The following CTNNA3 variants were observed in gnomAD, a reference collection of about 807,000 sequenced individuals.
The protein encoded by CTNNA3 is catenin alpha-3.
A neutral mutation model predicts 95.7 loss-of-function variants in CTNNA3; 76 were observed. The ratio of observed to expected loss-of-function variants is 0.79; its 90% CI spans 0.66 to 0.96. The LOEUF is 0.96. CTNNA3 is among the 40% of genes least tolerant of loss of function. CTNNA3 has a pLI of 0.00. For missense variants in CTNNA3, 1,191 were observed against 1,089.8 expected, an observed-to-expected ratio of 1.09 and a Z score of -1.31; for synonymous variants, 431 against 374.4, an observed-to-expected ratio of 1.15 and a Z score of -1.74.
chr10:67,568,552 GACAC>G (rs199833608), intron 3 of CTNNA3, among the ~76,000 whole-genome samples: 1 of 150,248 alleles, frequency 6.7e-6, no homozygotes, highest in Non-Finnish European at 1.5e-5. Context: ...TATGCACACA[GACAC>G]ACACACATAT....
chr10:66,933,481 G>A (rs1211624400), intron 7 of CTNNA3, among the ~76,000 whole-genome samples: 2 of 152,138 alleles, frequency 1.3e-5, no homozygotes, highest in Non-Finnish European at 2.9e-5. Flanking sequence ...AATCCTTGTT[G>A]ACTTTACACT....
In CTNNA3 at chr10:67,687,350, G is replaced by A. The variant is rs148315149; in HGVS notation, c.-6+8650C>T. 4.4e-3 allele frequency among the ~76,000 whole-genome samples: 674 copies of A among 152,284 alleles called. 1 individual carries two copies. The highest frequency in any genetic ancestry group is 6.1e-3 in the Non-Finnish European group (415 of 68,018). ...AGTGAGCCTTCCAGTGATTGCCTCC[G>A]CATAGTGGACATGGGTGAGGGAGCA... is the stretch of plus-strand genomic sequence containing the variant. On this transcript the variant is annotated intron_variant, in intron 1 of 17. Transcript: ENST00000433211.
At chr10:66,618,447 A>C (rs2132307266) in intron 10 of CTNNA3, among the ~76,000 whole-genome samples, 1 of 152,274 alleles carries the variant, frequency 6.6e-6, no homozygotes, top group Non-Finnish European at 1.5e-5. Flanking sequence ...CCTGAGAAAA[A>C]CAAGAAATGG....
chr10:67,073,532 A>T (rs1353828834), intron 7 of CTNNA3, among the ~76,000 whole-genome samples: 1 of 152,158 alleles, frequency 6.6e-6, no homozygotes, highest in African/African-American at 2.4e-5. Context: ...ACAAGTATCA[A>T]CAAAAATCCT....
intron 1 of CTNNA3, among the ~76,000 whole-genome samples, chr10:67,747,446 G>C (rs1841380048): frequency 6.6e-6 from 1 of 152,128 alleles, no homozygotes; most frequent in South Asian, 2.1e-4. Context: ...GCCTCCTTAG[G>C]TAACATCTCC....
At position 66,472,002 on chromosome 10, in the gene CTNNA3, A is replaced by G. The variant is rs146440945; in HGVS notation, c.1531+48615T>C. The stretch of plus-strand genomic sequence containing the variant: ...TGACGTGTGTAAAAGTATTATAAGC[A>G]TTTGCTATTTAGTTCATTATGGGCA... On this transcript the variant is annotated intron_variant, in intron 11 of 17. Transcript: ENST00000433211. 2.7e-3 allele frequency among the ~76,000 whole-genome samples: 410 copies of G among 152,136 alleles called. 2 individuals are homozygous for G. The highest frequency in any genetic ancestry group is 9.5e-3 in the African/African-American group (393 of 41,548).
chr10:67,216,844 T>A (rs989188282), intron 6 of CTNNA3, among the ~76,000 whole-genome samples: 1 of 152,210 alleles, frequency 6.6e-6, no homozygotes, highest in Non-Finnish European at 1.5e-5. Flanking sequence ...ATTGGTGAAG[T>A]TTCTTGCTTC....
At chr10:66,785,305 G>A (rs1840698753) in intron 7 of CTNNA3, among the ~76,000 whole-genome samples, 1 of 152,154 alleles carries the variant, frequency 6.6e-6, no homozygotes, top group Non-Finnish European at 1.5e-5. Context: ...TAGGTAACTG[G>A]TAAAACATTA....
intron 3 of CTNNA3, among the ~76,000 whole-genome samples, chr10:67,576,542 CTTTAT>C (rs962735290): frequency 3.8e-4 from 55 of 146,112 alleles, no homozygotes; most frequent in Admixed American, 6.0e-4. Context: ...CAGATAGTTT[CTTTAT>C]TTTATTTTAT....
chr10:67,716,563 C>T (rs1841144630), intron 1 of CTNNA3, among the ~76,000 whole-genome samples: 1 of 152,140 alleles, frequency 6.6e-6, no homozygotes, highest in Admixed American at 6.6e-5. Context: ...TGAGTGAGAA[C>T]ATGCGGTGTT....
At position 66,560,966 on chromosome 10, in the gene CTNNA3, C is replaced by A. The variant is rs546342624; in HGVS notation, c.1375-40193G>T. On this transcript the variant is annotated intron_variant, in intron 10 of 17. Transcript: ENST00000433211. ...ACATTGGATCTACCAACACCTTGAT[C>A]TTAAACTTCCCAGCCTGTAGAACTG... Among the ~76,000 whole-genome samples the A allele has an allele frequency of 1.3e-3, 192 of 152,170 alleles. 1 individual carries two copies. Among genetic ancestry groups the A allele is most frequent in the Middle Eastern group, 3.4e-3 (1 of 294 alleles).
intron 7 of CTNNA3, among the ~76,000 whole-genome samples, chr10:66,951,543 T>C (rs550629535): frequency 3.2e-4 from 48 of 152,326 alleles, no homozygotes; most frequent in Admixed American, 3.1e-3. Context: ...ATAGGGAAAC[T>C]GGGCATAGAA....
At position 66,978,540 on chromosome 10, in the gene CTNNA3, A is replaced by AATAAAATAAAAATAAAAAAAAT. The variant is rs1554890289; in HGVS notation, c.1047+201776_1047+201777insATTTTTTTTATTTTTATTTTAT. Among the ~76,000 whole-genome samples the AATAAAATAAAAATAAAAAAAAT allele has an allele frequency of 6.0e-5, 5 of 82,890 alleles. 1 individual carries two copies. Among genetic ancestry groups the AATAAAATAAAAATAAAAAAAAT allele is most frequent in the Admixed American group, 1.3e-4 (1 of 7,732 alleles). The allele number at this position is 82,890 out of a possible 152,430, so 54.4% of individuals were successfully genotyped here. A position where few individuals can be genotyped will look rare whatever the true frequency, so the allele number is the denominator to read the frequency against. The stretch of plus-strand genomic sequence containing the variant: ...AGACTCCATCTCAAAAAAAAAAAAA[A>AATAAAATAAAAATAAAAAAAAT]AAAAAAAAAAAAATATATATATATA... On this transcript the variant is annotated intron_variant, in intron 7 of 17. Coordinates refer to ENST00000433211, the MANE Select transcript of CTNNA3 (RefSeq NM_013266.4).
chr10:66,417,851 G>C (rs2093159457), intron 11 of CTNNA3, among the ~76,000 whole-genome samples: 1 of 151,794 alleles, frequency 6.6e-6, no homozygotes, highest in South Asian at 2.1e-4. Context: ...AAATCTGTGG[G>C]ATACAGCTAA....
At chr10:66,635,739 C>T (rs1845311026) in intron 9 of CTNNA3, among the ~76,000 whole-genome samples, 1 of 152,078 alleles carries the variant, frequency 6.6e-6, no homozygotes, top group Admixed American at 6.6e-5. Flanking sequence ...AGATTCATTC[C>T]TTACTTTCAC....
At chr10:66,059,547 T>C (rs755407782) in intron 15 of CTNNA3, among the ~76,000 whole-genome samples, 1 of 152,130 alleles carries the variant, frequency 6.6e-6, no homozygotes, top group Non-Finnish European at 1.5e-5. Context: ...AACTGTTATC[T>C]TTCCTTTATA....
intron 9 of CTNNA3, among the ~76,000 whole-genome samples, chr10:66,666,738 T>C (rs1846464512): frequency 6.6e-6 from 1 of 151,952 alleles, no homozygotes; most frequent in African/African-American, 2.4e-5. Context: ...CTCTATTAAA[T>C]AAAGCCCATA....
At chr10:65,969,426 A>T (rs2078049194) in intron 16 of CTNNA3, among the ~76,000 whole-genome samples, 1 of 152,188 alleles carries the variant, frequency 6.6e-6, no homozygotes, top group Non-Finnish European at 1.5e-5. Context: ...TATGGTCCCC[A>T]GCAAAGTGGA....
intron 2 of CTNNA3, among the ~76,000 whole-genome samples, chr10:67,612,172 C>T (rs1315854989): frequency 1.3e-5 from 2 of 152,160 alleles, no homozygotes; most frequent in Non-Finnish European, 2.9e-5. Flanking sequence ...CAACTTCAAT[C>T]TTCTTTTAGT....
Sources: gnomAD v4.1 joint callset for allele counts (sites outside exome capture counted in the v4.1 genomes callset) on GRCh38, gnomAD v4.1.1 for gene constraint, MANE v1.5 for transcripts, NCBI Gene and HGNC (gene_info 2026-07-23, HGNC 2026-07-21) for gene names.